The following CNTRL variants were observed in gnomAD, a reference collection of about 807,000 sequenced individuals.
The protein encoded by CNTRL is centriolin.
A neutral mutation model predicts 303.7 loss-of-function variants in CNTRL; 233 were observed. That is an observed-to-expected ratio of 0.77 (90% CI 0.69 to 0.86). The LOEUF is 0.86. Among genes scored for constraint, CNTRL ranks in the 40% least tolerant of loss-of-function variants. The pLI is 0.00. For synonymous variants in CNTRL, 900 were observed against 922.2 expected (o/e 0.98, Z 0.44); for missense variants, 2,524 against 2,650.6 (o/e 0.95, Z 1.05).
At chr9:121,110,975 T>C (rs1240886491) in intron 8 of CNTRL, 1 of 152,290 alleles carries the variant, frequency 6.6e-6, no homozygotes, top group Non-Finnish European at 1.5e-5. Context: ...TATTATTATT[T>C]GCCTGCAGAG....
chr9:121,109,835 T>C (rs575122028), intron 8 of CNTRL, among the ~76,000 whole-genome samples: 2 of 152,230 alleles, frequency 1.3e-5, no homozygotes, highest in Middle Eastern at 3.4e-3. Context: ...ATTTTTATAG[T>C]TGTTGGACAG....
At chr9:121,092,214 CAG>C (rs1336877389) in intron 4 of CNTRL, among the ~76,000 whole-genome samples, 2 of 145,796 alleles carry the variant, frequency 1.4e-5, no homozygotes, top group Non-Finnish European at 3.0e-5. Flanking sequence ...AGAAAATAAA[CAG>C]TGCTAAAAAG....
In CNTRL at chr9:121,145,376, A is replaced by T; in HGVS notation, c.3301A>T (p.Thr1101Ser). ...IARLQNVLDL[T>S]GSDNKGGFEN... ...AAGGCTGCAGAATGTACTAGACCTC[A>T]CTGGAAGTGGTAAAGTATTGGGCTT... The change falls in exon 22 of 44, where the codon ACT becomes TCT. Residue 1101 changes from threonine to serine, a missense_variant. Physicochemically the swap from Thr to Ser is moderately conservative, Grantham distance 58. Coordinates refer to ENST00000373855, the MANE Select transcript of CNTRL (RefSeq NM_007018.6). 1 of 1,604,078 alleles carries T rather than the reference A, an allele frequency of 6.2e-7. No individual in the cohort carries two copies. Among genetic ancestry groups the T allele is most frequent in the African/African-American group, 1.3e-5 (1 of 74,410 alleles).
At position 121,113,615 on chromosome 9, in the gene CNTRL, G is replaced by C. The variant is rs1315644957; in HGVS notation, c.1236G>C (p.Gln412His). The change falls in exon 10 of 44, where the codon CAG becomes CAC. Residue 412 changes from glutamine (Q) to histidine (H), a missense_variant. Transcript: ENST00000373855. ...SYIIDSAQAV[Q>H]IKKMEPDEQL... ...TTATTGACAGTGCTCAGGCAGTACAGATCAAGAAGATGGAGCCAGATGAAC... is the reference window on the plus strand; with the variant it reads ...TTATTGACAGTGCTCAGGCAGTACACATCAAGAAGATGGAGCCAGATGAAC... 3 of 1,609,726 alleles carry C rather than the reference G, an allele frequency of 1.9e-6. No homozygotes were observed. The highest frequency in any genetic ancestry group is 2.5e-6 in the Non-Finnish European group (3 of 1,178,532).
chr9:121,153,843 A>G (rs918652464), intron 26 of CNTRL, among the ~76,000 whole-genome samples: 10 of 152,248 alleles, frequency 6.6e-5, no homozygotes, highest in African/African-American at 2.4e-4. Flanking sequence ...AGCAGCAGAC[A>G]TCTGACTAAT....
intron 7 of CNTRL, among the ~76,000 whole-genome samples, chr9:121,098,829 C>CA (rs66692307): frequency 0.093 from 13,273 of 142,512 alleles, 635 homozygotes; most frequent in Non-Finnish European, 0.12. Flanking sequence ...AGAAGACAGA[C>CA]AAAAAAAAAA....
intron 25 of CNTRL, 174 bp downstream of exon 25, chr9:121,150,657 A>G (rs2052179412): frequency 1.5e-6 from 1 of 651,136 alleles, no homozygotes; most frequent in Non-Finnish European, 2.6e-6. Context: ...TTATAAAAGC[A>G]GTGGCATGTG....
Position 121,161,883 on chromosome 9 carries a change from A to C in CNTRL, c.5117A>C (p.Gln1706Pro). 1 of 1,614,074 alleles carries C rather than the reference A, an allele frequency of 6.2e-7. No homozygotes were observed. Among genetic ancestry groups the C allele is most frequent in the Non-Finnish European group, 8.5e-7 (1 of 1,179,932 alleles). The stretch of plus-strand genomic sequence containing the variant: ...CTAAAGAATATTCTGGACATGTTGC[A>C]ACTTGAAAACCATGAGCTACAAGGT... ...TELKNILDML[Q>P]LENHELQGLK... The change falls in exon 33 of 44, where the codon CAA becomes CCA. Residue 1706 changes from glutamine to proline, a missense_variant. By Grantham distance (76) the Gln-to-Pro change is moderately conservative. Coordinates refer to ENST00000373855, the MANE Select transcript of CNTRL (RefSeq NM_007018.6).
At chr9:121,089,997 C>T (rs2048493377) in intron 3 of CNTRL, among the ~76,000 whole-genome samples, 2 of 151,870 alleles carry the variant, frequency 1.3e-5, no homozygotes, top group South Asian at 2.1e-4. Context: ...CATTACAATA[C>T]GTTATAGTAT....
At chr9:121,168,074 A>T in intron 37 of CNTRL, 22 bp from the exon 38 acceptor site, 2 of 1,594,684 alleles carry the variant, frequency 1.3e-6, no homozygotes, top group Non-Finnish European at 1.7e-6. Context: ...TTAATGACTA[A>T]TCAAGATTAT....
At chr9:121,156,501 TG>T (rs1458123388) in intron 27 of CNTRL, among the ~76,000 whole-genome samples, 9 of 152,232 alleles carry the variant, frequency 5.9e-5, no homozygotes, top group Admixed American at 5.9e-4. Context: ...ACAAGCTATC[TG>T]AAATGGAAAG....
intron 12 of CNTRL, chr9:121,122,389 C>A (rs1469545385): frequency 5.1e-6 from 5 of 984,966 alleles, no homozygotes; most frequent in Non-Finnish European, 6.0e-6. Flanking sequence ...CTCTTTTGTT[C>A]ATCAGAAATG....
Position 121,098,455 on chromosome 9 carries a change from G to A in CNTRL, c.691G>A (p.Val231Met). 1 of 1,613,778 alleles carries A rather than the reference G, an allele frequency of 6.2e-7. No homozygotes were observed. Among genetic ancestry groups the A allele is most frequent in the African/African-American group, 1.3e-5 (1 of 75,006 alleles). Residue 231 changes from valine (V) to methionine (M), a missense_variant, in exon 7 of 44, where the codon GTG becomes ATG. Val to Met is a conservative substitution (Grantham distance 21, BLOSUM62 1). Coordinates refer to ENST00000373855, the MANE Select transcript of CNTRL (RefSeq NM_007018.6). ...TCTGATCCTAGTTGAAAATCCAGTT[G>A]TGACCCTTCCTCATTACCTCCAGTT... is the stretch of plus-strand genomic sequence containing the variant. ...ISLILVENPV[V>M]TLPHYLQFTI...
chr9:121,162,076 TGCAGCAGATATCCCA>T lies in CNTRL; in HGVS notation c.5237_5251del (p.Ile1746_Gln1750del). 1 of 1,614,204 alleles carries T rather than the reference TGCAGCAGATATCCCA, an allele frequency of 6.2e-7. No individual in the cohort carries two copies. On this transcript the variant is annotated inframe_deletion, in exon 34 of 44. Transcript: ENST00000373855. ...TAGGAGAAACTGGAGTTAGAGAATT[TGCAGCAGATATCCCA>T]GCAGCAGAAAGGGGAAATAGAGTGG... is the stretch of plus-strand genomic sequence containing the variant.
At chr9:121,161,572 C>T (rs1200820186) in intron 32 of CNTRL, 1 of 367,544 alleles carries the variant, frequency 2.7e-6, no homozygotes, top group Non-Finnish European at 4.9e-6. Flanking sequence ...AGTCTCAAAC[C>T]CCTGGGCTCA....
Position 121,171,511 on chromosome 9 carries a change from A to C in CNTRL, c.6380A>C (p.Asn2127Thr). Residue 2127 changes from asparagine (N) to threonine (T), a missense_variant, in exon 40 of 44, where the codon AAC (asparagine) becomes ACC (threonine). Coordinates refer to ENST00000373855, the MANE Select transcript of CNTRL (RefSeq NM_007018.6). ...GCCAGGCGCCTGATGAAGGAGCTCA[A>C]CCAGATGCAGTATGAGTACACGGAG... ...ERARRLMKEL[N>T]QMQYEYTELK... 5 of 1,614,030 alleles carry C rather than the reference A, an allele frequency of 3.1e-6. No homozygotes were observed. The highest frequency in any genetic ancestry group is 4.2e-6 in the Non-Finnish European group (5 of 1,179,944).
chr9:121,142,899 T>G (rs1197281295), intron 19 of CNTRL, among the ~76,000 whole-genome samples: 1 of 151,636 alleles, frequency 6.6e-6, no homozygotes, highest in Non-Finnish European at 1.5e-5. Flanking sequence ...AATTTTGTGG[T>G]CTACCAACTA....
chr9:121,139,396 T>C (rs975867671), intron 16 of CNTRL, among the ~76,000 whole-genome samples: 3 of 152,108 alleles, frequency 2.0e-5, no homozygotes, highest in Admixed American at 1.3e-4. Context: ...GGGCAGAGTT[T>C]ATGTGGCTTG....
At chr9:121,126,720 A>T (rs1049260653) in intron 14 of CNTRL, among the ~76,000 whole-genome samples, 1 of 152,172 alleles carries the variant, frequency 6.6e-6, no homozygotes, top group African/African-American at 2.4e-5. Context: ...TCCATAAGCA[A>T]TATATAGTAT....
Sources: allele counts gnomAD v4.1 joint callset (sites outside exome capture counted in the v4.1 genomes callset), GRCh38; gene constraint gnomAD v4.1.1; transcripts MANE v1.5; gene names NCBI Gene and HGNC (gene_info 2026-07-23, HGNC 2026-07-21).